Variants in KHDRBS2 observed in about 807,000 individuals in gnomAD.
KHDRBS2 encodes KH domain-containing, RNA-binding, signal transduction-associated protein 2.
KHDRBS2 carries 26 observed loss-of-function variants against 44.3 expected under a neutral mutation model. The ratio of observed to expected loss-of-function variants is 0.59; its 90% CI spans 0.43 to 0.81. The LOEUF is 0.81. Among genes scored for constraint, KHDRBS2 ranks in the 40% least tolerant of loss-of-function variants. The probability of loss-of-function intolerance (pLI) is 0.00; values close to 1 mark genes in which losing one functional copy is unlikely to be tolerated. For synonymous variants in KHDRBS2, 194 were observed against 151.1 expected (o/e 1.28, Z -2.08); for missense variants, 476 against 433.1 (o/e 1.10, Z -0.88).
intron 3 of KHDRBS2, among the ~76,000 whole-genome samples, chr6:62,033,664 T>C (rs961130866): frequency 4.0e-5 from 6 of 151,070 alleles, no homozygotes; most frequent in African/African-American, 1.5e-4. Flanking sequence ...GCAATATATA[T>C]ATGGCATATA....
At chr6:62,103,803 G>A (rs990577776) in intron 2 of KHDRBS2, among the ~76,000 whole-genome samples, 6 of 152,144 alleles carry the variant, frequency 3.9e-5, no homozygotes, top group African/African-American at 7.2e-5. Flanking sequence ...CAGAAACAAT[G>A]AAACAAGACT....
chr6:61,850,826 A>T (rs1386154632), intron 6 of KHDRBS2, among the ~76,000 whole-genome samples: 2 of 152,242 alleles, frequency 1.3e-5, no homozygotes, highest in Middle Eastern at 3.4e-3. Context: ...AAGAGAACCA[A>T]CAGGACAACA....
chr6:61,562,898 T>C, the KHDRBS2 span, among the ~76,000 whole-genome samples: 2 of 152,170 alleles, frequency 1.3e-5, no homozygotes, highest in Admixed American at 1.3e-4. Context: ...TTGTTATCTA[T>C]TTTAAAAACA....
At chr6:62,028,016 A>G (rs181134465) in intron 3 of KHDRBS2, among the ~76,000 whole-genome samples, 9 of 152,182 alleles carry the variant, frequency 5.9e-5, no homozygotes, top group Admixed American at 1.3e-4. Context: ...ACAGGGACTT[A>G]CCACTTCTGA....
intron 2 of KHDRBS2, among the ~76,000 whole-genome samples, chr6:62,135,604 T>C (rs1428376555): frequency 1.3e-5 from 2 of 152,146 alleles, no homozygotes; most frequent in African/African-American, 4.8e-5. Flanking sequence ...TTACTCAGTA[T>C]GGCTAAGATA....
chr6:61,550,766 C>CTTTTTTTTTTTTTTTTTTTTTTTTT, the KHDRBS2 span, among the ~76,000 whole-genome samples: 2 of 117,038 alleles, frequency 1.7e-5, no homozygotes, highest in Non-Finnish European at 1.6e-5. Context: ...GAGATGGTAT[C>CTTTTTTTTTTTTTTTTTTTTTTTTT]TTTTTTTTTT....
intron 4 of KHDRBS2, among the ~76,000 whole-genome samples, chr6:61,950,317 A>G (rs1764485518): frequency 6.6e-6 from 1 of 152,084 alleles, no homozygotes; most frequent in Non-Finnish European, 1.5e-5. Flanking sequence ...ATCGTATAGT[A>G]ATCACTACTG....
At chr6:61,606,038 C>T in the KHDRBS2 span, among the ~76,000 whole-genome samples, 4 of 152,182 alleles carry the variant, frequency 2.6e-5, no homozygotes, top group Non-Finnish European at 5.9e-5. Flanking sequence ...CTGGTTCATC[C>T]TTGCTCAAAA....
intron 6 of KHDRBS2, among the ~76,000 whole-genome samples, chr6:61,772,412 T>C (rs1247357912): frequency 2.0e-5 from 3 of 152,066 alleles, no homozygotes; most frequent in Non-Finnish European, 4.4e-5. Flanking sequence ...ACAAAATTGA[T>C]AGACCGCTAG....
rs191672490 is a variant in KHDRBS2 at position 62,193,970 on chromosome 6, T to A, written c.92-16658A>T. The stretch of plus-strand genomic sequence containing the variant: ...CATAAAAGTTCTTTACATTCTTGGA[T>A]AAGAGCCCCTTATCAGAAAAATAAT... On this transcript the variant is annotated intron_variant, in intron 1 of 8. Transcript: ENST00000281156. Among the ~76,000 whole-genome samples, 112 of 152,284 alleles carry A rather than the reference T, an allele frequency of 7.4e-4. 1 individual carries two copies. The highest frequency in any genetic ancestry group is 2.5e-3 in the African/African-American group (104 of 41,584).
intron 6 of KHDRBS2, chr6:61,814,135 T>C: frequency 2.3e-6 from 1 of 444,444 alleles, no homozygotes; most frequent in Non-Finnish European, 4.5e-6. Flanking sequence ...CTATGATTCT[T>C]TGAATCCTGT....
chr6:62,010,635 C>T (rs914887090), intron 3 of KHDRBS2, among the ~76,000 whole-genome samples: 2 of 152,182 alleles, frequency 1.3e-5, no homozygotes, highest in East Asian at 1.9e-4. Flanking sequence ...GGGTCTTTCC[C>T]AGGCTGTTCT....
intron 6 of KHDRBS2, among the ~76,000 whole-genome samples, chr6:61,853,392 AATG>A (rs1795728014): frequency 6.6e-6 from 1 of 152,198 alleles, no homozygotes; most frequent in Non-Finnish European, 1.5e-5. Flanking sequence ...ACTGTAGAAA[AATG>A]ATTATAATAA....
intron 3 of KHDRBS2, among the ~76,000 whole-genome samples, chr6:62,027,900 T>C (rs1355100280): frequency 1.3e-5 from 2 of 152,072 alleles, no homozygotes; most frequent in African/African-American, 4.8e-5. Flanking sequence ...GTTAAGTAAA[T>C]TGTTTTCCTG....
At chr6:62,179,142 G>A (rs1247459432) in intron 1 of KHDRBS2, among the ~76,000 whole-genome samples, 1 of 151,356 alleles carries the variant, frequency 6.6e-6, no homozygotes, top group East Asian at 1.9e-4. Context: ...TGGGCTGTGT[G>A]GAATTTAAAA....
At chr6:61,830,444 T>A (rs964655) in intron 6 of KHDRBS2, among the ~76,000 whole-genome samples, 53,227 of 152,126 alleles carry the variant, frequency 0.35, 10,043 homozygotes, top group African/African-American at 0.5. Context: ...ATATAATTGG[T>A]AAACCATAGA....
At chr6:62,066,078 A>G (rs949341552) in intron 2 of KHDRBS2, among the ~76,000 whole-genome samples, 2 of 151,714 alleles carry the variant, frequency 1.3e-5, no homozygotes, top group Non-Finnish European at 2.9e-5. Flanking sequence ...ATACAACTGT[A>G]TTAGGGGTAC....
intron 4 of KHDRBS2, among the ~76,000 whole-genome samples, chr6:61,916,435 ATG>A (rs1807014723): frequency 1.3e-5 from 2 of 151,274 alleles, no homozygotes; most frequent in Non-Finnish European, 3.0e-5. Context: ...ATATATATAT[ATG>A]TCACTATTAG....
chr6:61,777,616 A>G (rs1190644832), intron 6 of KHDRBS2, among the ~76,000 whole-genome samples: 1 of 152,158 alleles, frequency 6.6e-6, no homozygotes, highest in African/African-American at 2.4e-5. Context: ...GCCTCCAGAG[A>G]GTTCCATGAT....
Sources: gnomAD v4.1 joint callset for allele counts (sites outside exome capture counted in the v4.1 genomes callset) on GRCh38, gnomAD v4.1.1 for gene constraint, MANE v1.5 for transcripts, NCBI Gene and HGNC (gene_info 2026-07-23, HGNC 2026-07-21) for gene names.